The following SLC27A4 variants were observed in gnomAD, a reference collection of about 807,000 sequenced individuals.
SLC27A4 encodes long-chain fatty acid transport protein 4.
In SLC27A4, 33 loss-of-function variants were observed where a neutral mutation model predicts 64.4. The observed-to-expected ratio is 0.51, with a 90% CI of 0.39 to 0.68. The LOEUF (loss-of-function observed/expected upper bound fraction) is 0.68, where lower values mean the gene tolerates loss of function less well. Ranked by LOEUF, SLC27A4 falls within the 30% of genes least tolerant of loss-of-function variation. The probability of loss-of-function intolerance (pLI) is 0.00; values close to 1 mark genes in which losing one functional copy is unlikely to be tolerated. For synonymous variants in SLC27A4, 377 were observed against 370.0 expected (o/e 1.02, Z -0.22); for missense variants, 824 against 883.5 (o/e 0.93, Z 0.85).
chr9:128,348,817 C>A, intron 4 of SLC27A4, 114 bp downstream of exon 4: 1 of 1,043,550 alleles, frequency 9.6e-7, no homozygotes, highest in Non-Finnish European at 1.4e-6. Context: ...TGGAACATGT[C>A]ACGTCACCTC....
chr9:128,349,048 G>A (rs1832697856), intron 4 of SLC27A4, among the ~76,000 whole-genome samples: 1 of 150,608 alleles, frequency 6.6e-6, no homozygotes, highest in South Asian at 2.1e-4. Flanking sequence ...TTGGGGTTGG[G>A]TGGGAGGGTG....
At position 128,340,802 on chromosome 9, in the gene SLC27A4, A is replaced by C. The variant is rs1330608328; in HGVS notation, c.-43A>C. 1.0e-4 allele frequency: 69 copies of C among 686,538 alleles called. No individual in the cohort carries two copies. Among genetic ancestry groups the C allele is most frequent in the Non-Finnish European group, 1.1e-5 (4 of 372,298 alleles). 42.5% of individuals were successfully genotyped at this position (686,538 alleles called of 1,614,324 possible). A position where few individuals can be genotyped will look rare whatever the true frequency, so the allele number is the denominator to read the frequency against. On this transcript the variant is annotated 5_prime_UTR_variant, in exon 1 of 13. Transcript: ENST00000300456. ...GTCTACGCTGCTGCAACCGGGCCGC[A>C]TCTGGACGGGGCGCCGCGCGGCGGA... is the stretch of plus-strand genomic sequence containing the variant.
intron 6 of SLC27A4, 114 bp downstream of exon 6, chr9:128,350,689 C>T: frequency 1.2e-6 from 1 of 848,064 alleles, no homozygotes; most frequent in Non-Finnish European, 1.9e-6. Context: ...GGCGCAGTGA[C>T]TCACACCTGT....
chr9:128,343,008 T>C, intron 1 of SLC27A4, 119 bp from the exon 2 acceptor site: 1 of 1,326,258 alleles, frequency 7.5e-7, no homozygotes, highest in Non-Finnish European at 1.1e-6. Context: ...CAACTCAGTA[T>C]GGCTAAGCCT....
Position 128,343,233 on chromosome 9 carries a change from T to C in SLC27A4, c.101T>C (p.Leu34Ser). 1 of 1,614,160 alleles carries C rather than the reference T, an allele frequency of 6.2e-7. No individual in the cohort carries two copies. Among genetic ancestry groups the C allele is most frequent in the Non-Finnish European group, 8.5e-7 (1 of 1,180,020 alleles). Residue 34 changes from leucine (L) to serine (S), a missense_variant, in exon 2 of 13, where the codon TTG becomes TCG. Coordinates refer to ENST00000300456, the MANE Select transcript of SLC27A4 (RefSeq NM_005094.4). ...GGATTCTCCCTGTTGTTCCTCTACT[T>C]GGGATCTGGCGGCTGGCGCTTCATC... ...QVGFSLLFLY[L>S]GSGGWRFIRV...
Position 128,361,326 on chromosome 9 carries a change from T to C in SLC27A4, c.*835T>C. 1 of 152,528 alleles carries C rather than the reference T, an allele frequency of 6.6e-6. No individual in the cohort carries two copies. The highest frequency in any genetic ancestry group is 1.5e-5 in the Non-Finnish European group (1 of 68,112). 9.4% of individuals were successfully genotyped at this position (152,528 alleles called of 1,614,324 possible). On this transcript the variant is annotated 3_prime_UTR_variant, in exon 13 of 13. Coordinates refer to ENST00000300456, the MANE Select transcript of SLC27A4 (RefSeq NM_005094.4). ...CAACCCCCTGGCCCATTGACCCGCCTCATCTGTTCATTCACTTATCTAAGC... is the reference window on the plus strand; with the variant it reads ...CAACCCCCTGGCCCATTGACCCGCCCCATCTGTTCATTCACTTATCTAAGC...
chr9:128,352,831 C>A, intron 7 of SLC27A4, 84 bp downstream of exon 7: 2 of 1,178,980 alleles, frequency 1.7e-6, no homozygotes. Context: ...TGTCTTATAG[C>A]TGAGGTGGCC....
In SLC27A4 at chr9:128,345,164, G is replaced by A. The variant is rs1160107544; in HGVS notation, c.171G>A (p.Leu57=). 1.9e-6 allele frequency: 3 copies of A among 1,613,230 alleles called. No individual in the cohort carries two copies. The highest frequency in any genetic ancestry group is 1.7e-5 in the Admixed American group (1 of 60,020). ...TCTTGTTCACACACAGTGGCGGCCT[G>A]GTCCTCCTGAAGGTGAAGGCAAAGG... ...KTIRRDIFGG[L]VLLKVKAKVR... is the part of the protein sequence containing the mutation. The change falls in exon 3 of 13, where the codon CTG becomes CTA. Residue 57 remains leucine, a synonymous_variant. Coordinates refer to ENST00000300456, the MANE Select transcript of SLC27A4 (RefSeq NM_005094.4). This position sits in a 1 kb window ranked among gnomAD's most constrained non-coding sequence, Gnocchi z 4.1.
chr9:128,350,653 C>T (rs758961774), intron 6 of SLC27A4, 78 bp downstream of exon 6: 53 of 1,123,584 alleles, frequency 4.7e-5, no homozygotes, highest in Non-Finnish European at 4.2e-5. Flanking sequence ...CAGTGTGCTG[C>T]AGTAGAAACA....
rs181961173 is a variant in SLC27A4, at chr9:128,354,026, A to G, written c.1324+485A>G. On this transcript the variant is annotated intron_variant, in intron 9 of 12. Coordinates refer to ENST00000300456, the MANE Select transcript of SLC27A4 (RefSeq NM_005094.4). ...CCAAAGTGCTGGGATTACAGGCGTG[A>G]GCCACCGCGCCCGGCCAAGCAATTC... is the stretch of plus-strand genomic sequence containing the variant. Among the ~76,000 whole-genome samples the G allele has an allele frequency of 1.6e-3, 237 of 151,896 alleles. 1 individual carries two copies. Among genetic ancestry groups the G allele is most frequent in the African/African-American group, 5.6e-3 (232 of 41,296 alleles).
intron 12 of SLC27A4, among the ~76,000 whole-genome samples, chr9:128,357,392 A>T (rs1832836565): frequency 6.6e-6 from 1 of 151,942 alleles, no homozygotes; most frequent in Non-Finnish European, 1.5e-5. Context: ...GTGAGCTGAG[A>T]TCATGCCACT....
At chr9:128,355,270 C>T in intron 10 of SLC27A4, 80 bp downstream of exon 10, 1 of 1,597,184 alleles carries the variant, frequency 6.3e-7, no homozygotes, top group South Asian at 1.1e-5. Context: ...AGGACACCTT[C>T]CCAGGACTCC....
At chr9:128,355,005 T>C (rs1174019752) in intron 9 of SLC27A4, 48 bp from the exon 10 acceptor site, 3 of 1,458,434 alleles carry the variant, frequency 2.1e-6, no homozygotes. Context: ...ACAGGACGGG[T>C]GGGAGAGGCT....
intron 9 of SLC27A4, among the ~76,000 whole-genome samples, chr9:128,354,677 G>A (rs1291596990): frequency 6.6e-6 from 1 of 152,004 alleles, no homozygotes; most frequent in African/African-American, 2.4e-5. Flanking sequence ...GCTGGGAGTG[G>A]TGGCTCACAC....
chr9:128,351,563 A>G (rs890918400), intron 6 of SLC27A4, among the ~76,000 whole-genome samples: 1 of 151,274 alleles, frequency 6.6e-6, no homozygotes, highest in Non-Finnish European at 1.5e-5. Context: ...CTAAAAGTAC[A>G]AAAAGTAGCT....
chr9:128,343,948 C>T (rs750086545), intron 2 of SLC27A4, among the ~76,000 whole-genome samples: 6 of 152,188 alleles, frequency 3.9e-5, no homozygotes, highest in Non-Finnish European at 8.8e-5. Context: ...CACAGCCTTG[C>T]TCACTACTGT....
chr9:128,357,570 T>C (rs1588567063), intron 12 of SLC27A4, among the ~76,000 whole-genome samples: 1 of 152,172 alleles, frequency 6.6e-6, no homozygotes, highest in Non-Finnish European at 1.5e-5. Flanking sequence ...GGAGGGGCTG[T>C]TGCAGTTGTC....
At chr9:128,357,029 G>A (rs530209689) in intron 12 of SLC27A4, among the ~76,000 whole-genome samples, 2 of 151,650 alleles carry the variant, frequency 1.3e-5, no homozygotes, top group Non-Finnish European at 2.9e-5. Flanking sequence ...CGGAGGTGGA[G>A]GTTGTAGTAA....
chr9:128,355,752 C>G lies in SLC27A4; in HGVS notation c.1730C>G (p.Ala577Gly). The change falls in exon 12 of 13, where the codon GCG becomes GGG. Residue 577 changes from alanine to glycine, a missense_variant. Coordinates refer to ENST00000300456, the MANE Select transcript of SLC27A4 (RefSeq NM_005094.4). ...QVLEKELPLY[A>G]RPIFLRLLPE... Reference sequence around the variant, plus strand: ...TTGGAGAAGGAACTGCCCCTGTATGCGCGCCCCATCTTCCTGCGCCTCCTG... The same window carrying G: ...TTGGAGAAGGAACTGCCCCTGTATGGGCGCCCCATCTTCCTGCGCCTCCTG... The G allele has an allele frequency of 2.5e-6, 4 of 1,613,746 alleles. No homozygotes were observed. The highest frequency in any genetic ancestry group is 3.4e-6 in the Non-Finnish European group (4 of 1,180,020).
Sources: gnomAD v4.1 joint callset for allele counts (sites outside exome capture counted in the v4.1 genomes callset) on GRCh38, gnomAD v4.1.1 for gene constraint, Gnocchi (gnomAD v3.1) non-coding constraint, MANE v1.5 for transcripts, NCBI Gene and HGNC (gene_info 2026-07-23, HGNC 2026-07-21) for gene names.